Variants in IGBP1 observed in about 807,000 individuals in gnomAD.
IGBP1 encodes the protein immunoglobulin binding protein 1, also known as immunoglobulin-binding protein 1.
A neutral mutation model predicts 25.9 loss-of-function variants in IGBP1; 2 were observed. The ratio of observed to expected loss-of-function variants is 0.08; its 90% CI spans 0.03 to 0.24. IGBP1 has a LOEUF of 0.24. Among genes scored for constraint, IGBP1 ranks in the 10% least tolerant of loss-of-function variants. IGBP1 has a pLI of 1.00. For missense variants in IGBP1, 187 were observed against 260.4 expected, an observed-to-expected ratio of 0.72 and a Z score of 1.94; for synonymous variants, 96 against 93.4, an observed-to-expected ratio of 1.03 and a Z score of -0.16.
At chrX:70,161,777 T>G in intron 6 of IGBP1, among the ~76,000 whole-genome samples, 1 of 111,378 alleles carries the variant, frequency 9.0e-6, no homozygotes, top group East Asian at 2.8e-4. Context: ...TTGAAAAATC[T>G]TAACTCAGGG....
At chrX:70,142,476 G>A (rs2085136467) in intron 3 of IGBP1, among the ~76,000 whole-genome samples, 1 of 111,116 alleles carries the variant, frequency 9.0e-6, no homozygotes, top group Non-Finnish European at 1.9e-5. Context: ...GTGAGGCCCG[G>A]AAGAATGTGT....
chrX:70,156,835 G>A (rs2085243991), intron 6 of IGBP1, among the ~76,000 whole-genome samples: 1 of 111,564 alleles, frequency 9.0e-6, no homozygotes. Flanking sequence ...AGCTATTCGG[G>A]AGGCCGAGGC....
chrX:70,154,081 G>A (rs2085220661), intron 6 of IGBP1, among the ~76,000 whole-genome samples: 1 of 98,492 alleles, frequency 1.0e-5, no homozygotes, highest in South Asian at 5.2e-4. Flanking sequence ...TTTTTGAGAC[G>A]GAGTCTTGCT....
At chrX:70,151,437 A>C (rs981069373) in intron 6 of IGBP1, among the ~76,000 whole-genome samples, 2 of 111,241 alleles carry the variant, frequency 1.8e-5, no homozygotes, top group East Asian at 5.7e-4. Flanking sequence ...CAGCCTCCCA[A>C]AGCATTGGGA....
chrX:70,148,053 TGA>T (rs762178795), intron 4 of IGBP1, among the ~76,000 whole-genome samples: 4 of 112,107 alleles, frequency 3.6e-5, no homozygotes, highest in Non-Finnish European at 7.5e-5. Context: ...TCTTTGTGTG[TGA>T]GTTTTTTGTT....
rs750714072 is a variant in IGBP1 at position 70,152,813 on chromosome X, G to C, written c.871+2491G>C. ...ATTATCCAATTTGAAAAAAAAGATT[G>C]GATAAAAGTAAGCAGTATCTCAGTG... On this transcript the variant is annotated intron_variant, in intron 6 of 6. Transcript: ENST00000356413. Among the ~76,000 whole-genome samples the C allele has an allele frequency of 7.8e-4, 87 of 111,697 alleles. 1 individual carries two copies. In the South Asian group the frequency reaches 8.2e-3, roughly 11 times the overall value.
chrX:70,147,119 A>G, intron 4 of IGBP1, among the ~76,000 whole-genome samples: 1 of 111,714 alleles, frequency 9.0e-6, no homozygotes, highest in Non-Finnish European at 1.9e-5. Flanking sequence ...GAGGGAAGGC[A>G]TAGGGAGTTA....
At chrX:70,143,352 G>C (rs995253210) in intron 3 of IGBP1, among the ~76,000 whole-genome samples, 3 of 112,557 alleles carry the variant, frequency 2.7e-5, no homozygotes, top group Admixed American at 1.9e-4. Context: ...AGATTTTATG[G>C]TGAAGAGGGA....
intron 6 of IGBP1, among the ~76,000 whole-genome samples, chrX:70,152,649 C>T (rs1326464115): frequency 1.8e-5 from 2 of 111,839 alleles, no homozygotes; most frequent in African/African-American, 6.5e-5. Context: ...TAAGAAATCT[C>T]AGCAGAGAAA....
chrX:70,141,381 C>T (rs1439711131), intron 3 of IGBP1, among the ~76,000 whole-genome samples: 1 of 110,426 alleles, frequency 9.1e-6, no homozygotes, highest in Non-Finnish European at 1.9e-5. Flanking sequence ...GGTACAGGTA[C>T]TTAAAGGAGC....
chrX:70,154,121 G>T (rs939805511), intron 6 of IGBP1, among the ~76,000 whole-genome samples: 5 of 99,410 alleles, frequency 5.0e-5, no homozygotes, highest in African/African-American at 7.5e-5. Flanking sequence ...GCAGTGGCGC[G>T]ATCTCGGCTC....
rs754465007 is a variant in IGBP1 at position 70,147,483 on chromosome X, A to G, written c.678+655A>G. 3.6e-5 allele frequency among the ~76,000 whole-genome samples: 4 copies of G among 111,189 alleles called. No individual in the cohort carries two copies. The East Asian group carries it at 1.1e-3, about 31-fold the overall frequency. ...AGAGAGGAAGAGGATGGGAATGGAG[A>G]AGAAAGGTAGAACTGGAGGAGAGGG... On this transcript the variant is annotated intron_variant, in intron 4 of 6. Transcript: ENST00000356413.
intron 3 of IGBP1, among the ~76,000 whole-genome samples, chrX:70,137,560 G>A (rs988778478): frequency 9.1e-6 from 1 of 110,226 alleles, no homozygotes; most frequent in Non-Finnish European, 1.9e-5. Flanking sequence ...CAGTAAGCTA[G>A]TAAATAATGT....
intron 6 of IGBP1, chrX:70,163,982 T>G (rs1186318888): frequency 8.9e-6 from 1 of 112,107 alleles, no homozygotes; most frequent in Non-Finnish European, 1.9e-5. Flanking sequence ...CTCACACCTG[T>G]AATCCCAGCA....
At chrX:70,155,494 CAAAAAAAAAAAA>C (rs57946963) in intron 6 of IGBP1, among the ~76,000 whole-genome samples, 26 of 36,556 alleles carry the variant, frequency 7.1e-4, no homozygotes, top group African/African-American at 2.4e-3. Context: ...GACTCTGTCT[CAAAAAAAAAAAA>C]AAAAAAAAAG....
In IGBP1 at chrX:70,133,509, T is replaced by G. The variant is rs2085075123; in HGVS notation, c.-257T>G. ...GGAGTGGTGCGGCGGCTAGAGTCCCTGGACTCCTCAACCTAGGGAGCTACT... is the reference window on the plus strand; with the variant it reads ...GGAGTGGTGCGGCGGCTAGAGTCCCGGGACTCCTCAACCTAGGGAGCTACT... On this transcript the variant is annotated 5_prime_UTR_variant, in exon 1 of 7. Transcript: ENST00000356413. 3.2e-6 allele frequency: 1 copy of G among 309,668 alleles called. No homozygotes were observed. The highest frequency in any genetic ancestry group is 5.6e-6 in the Non-Finnish European group (1 of 177,796). The allele number at this position is 309,668 out of a possible 1,213,427, so 25.5% of individuals were successfully genotyped here. A position where few individuals can be genotyped will look rare whatever the true frequency, so the allele number is the denominator to read the frequency against.
intron 6 of IGBP1, among the ~76,000 whole-genome samples, chrX:70,155,959 C>A (rs2085237855): frequency 9.0e-6 from 1 of 111,705 alleles, no homozygotes; most frequent in Non-Finnish European, 1.9e-5. Flanking sequence ...TAGGGTTATT[C>A]ATTGGCCCAA....
chrX:70,164,080 A>G (rs1312771468), intron 6 of IGBP1: 1 of 110,834 alleles, frequency 9.0e-6, no homozygotes, highest in Non-Finnish European at 1.9e-5. Context: ...GTCTACTAAA[A>G]ATACAAAAAT....
intron 2 of IGBP1, 150 bp from the exon 3 acceptor site, chrX:70,134,373 C>A: frequency 1.6e-6 from 1 of 629,613 alleles, no homozygotes; most frequent in Non-Finnish European, 2.5e-6. Context: ...GAGCCCTCAG[C>A]CACTTTCATT....
Sources: gnomAD v4.1 joint callset for allele counts (sites outside exome capture counted in the v4.1 genomes callset) on GRCh38, gnomAD v4.1.1 for gene constraint, MANE v1.5 for transcripts, NCBI Gene and HGNC (gene_info 2026-07-23, HGNC 2026-07-21) for gene names.